CEMIP2: variants seen among roughly 807,000 people sequenced by gnomAD.
CEMIP2 encodes the protein cell migration inducing hyaluronidase 2.
In CEMIP2, 79 loss-of-function variants were observed where a neutral mutation model predicts 146.9. That is an observed-to-expected ratio of 0.54 (90% confidence interval 0.45 to 0.65). CEMIP2 has a LOEUF of 0.65. Among genes scored for constraint, CEMIP2 ranks in the 30% least tolerant of loss-of-function variants. The pLI, the probability that CEMIP2 is intolerant of heterozygous loss-of-function variation, is 0.00. For missense variants in CEMIP2, 1,596 were observed against 1,696.2 expected, an observed-to-expected ratio of 0.94 and a Z score of 1.04; for synonymous variants, 601 against 606.3, an observed-to-expected ratio of 0.99 and a Z score of 0.13.
intron 1 of CEMIP2, among the ~76,000 whole-genome samples, chr9:71,756,337 A>G (rs947688986): frequency 1.3e-4 from 20 of 150,642 alleles, no homozygotes; most frequent in Middle Eastern, 3.4e-3. Context: ...GTGTGTGTGT[A>G]TATATATATG....
At chr9:71,700,374 A>G (rs1225858604) in intron 19 of CEMIP2, among the ~76,000 whole-genome samples, 2 of 152,204 alleles carry the variant, frequency 1.3e-5, no homozygotes, top group Non-Finnish European at 2.9e-5. Flanking sequence ...GTAATTTCCA[A>G]CTGGGCCTAC....
chr9:71,711,084 T>C (rs139825360), intron 16 of CEMIP2, among the ~76,000 whole-genome samples: 1 of 152,312 alleles, frequency 6.6e-6, no homozygotes, highest in African/African-American at 2.4e-5. Context: ...ATTGCCACCA[T>C]GGAACTGGCA....
chr9:71,762,855 T>A (rs975239330), intron 1 of CEMIP2, among the ~76,000 whole-genome samples: 1 of 151,692 alleles, frequency 6.6e-6, no homozygotes, highest in Non-Finnish European at 1.5e-5. Flanking sequence ...TACAAAAAAA[T>A]ATAAAGATTA....
At chr9:71,702,360 G>T (rs913907837) in intron 18 of CEMIP2, among the ~76,000 whole-genome samples, 4 of 148,836 alleles carry the variant, frequency 2.7e-5, no homozygotes, top group Admixed American at 6.7e-5. Context: ...AGATAGAAAA[G>T]ATGTTCTATG....
intron 1 of CEMIP2, among the ~76,000 whole-genome samples, chr9:71,763,060 TAAAAAA>T (rs771563548): frequency 7.3e-6 from 1 of 137,548 alleles, no homozygotes; most frequent in Non-Finnish European, 1.6e-5. Flanking sequence ...AACCACAACT[TAAAAAA>T]AAAAAAAAGA....
chr9:71,694,661 G>T lies in CEMIP2; in HGVS notation c.3598-54C>A. The T allele has an allele frequency of 3.4e-6, 4 of 1,193,250 alleles. No homozygotes were observed. In the South Asian group the frequency reaches 4.9e-5, roughly 15 times the overall value. 73.9% of individuals were successfully genotyped at this position (1,193,250 alleles called of 1,614,324 possible). A position where few individuals can be genotyped will look rare whatever the true frequency, so the allele number is the denominator to read the frequency against. On this transcript the variant is annotated intron_variant, in intron 20 of 23. Transcript: ENST00000377044. ...GGCAACTCTTACCTTCCTCCAAAAG[G>T]TTCCCTCAATATAAAGTTAATTATA...
In CEMIP2 at chr9:71,732,490, A is replaced by C. The variant is rs1440568774; in HGVS notation, c.1424T>G (p.Ile475Ser). Residue 475 changes from isoleucine (I) to serine (S), a missense_variant, in exon 7 of 24, where the codon ATC becomes AGC. Transcript: ENST00000377044. The part of the protein sequence containing the change: ...ETPQFLHMGE[I>S]IDGVDMRAEV... Reference sequence around the variant, plus strand: ...AGCTCTCATGTCTACACCGTCTATGATCTCACCCATGTGCAGGAACTGAGG... The same window carrying C: ...AGCTCTCATGTCTACACCGTCTATGCTCTCACCCATGTGCAGGAACTGAGG... The C allele has an allele frequency of 6.2e-7, 1 of 1,611,738 alleles. No individual in the cohort carries two copies. The highest frequency in any genetic ancestry group is 8.5e-7 in the Non-Finnish European group (1 of 1,179,536).
At chr9:71,724,989 T>C (rs961458761) in intron 11 of CEMIP2, among the ~76,000 whole-genome samples, 5 of 152,146 alleles carry the variant, frequency 3.3e-5, no homozygotes, top group African/African-American at 1.2e-4. Context: ...ATCCATTATG[T>C]AATTATTCAG....
At chr9:71,699,451 T>TAA in intron 19 of CEMIP2, 1 of 310,052 alleles carries the variant, frequency 3.2e-6, no homozygotes, top group Non-Finnish European at 6.0e-6. Context: ...ACACCGTCTC[T>TAA]TAAAAAAAAA....
In CEMIP2 at chr9:71,718,014, A is replaced by T. The variant is rs557671507; in HGVS notation, c.2333T>A (p.Ile778Asn). Residue 778 changes from isoleucine (I) to asparagine (N), a missense_variant, in exon 13 of 24, where the codon ATT (isoleucine) becomes AAT (asparagine). Transcript: ENST00000377044. ...PRVAALIDRL[I>N]AFKNNDNGAW... ...TCCATTATCATTATTTTTAAAAGCA[A>T]TGAGCCTGTCAATTAGAGCAGCAAC... 6.2e-7 allele frequency: 1 copy of T among 1,613,304 alleles called. No individual in the cohort carries two copies. Among genetic ancestry groups the T allele is most frequent in the African/African-American group, 1.3e-5 (1 of 74,892 alleles).
At chr9:71,694,633 T>C (rs762193619) in intron 20 of CEMIP2, 26 bp from the exon 21 acceptor site, 2 of 1,485,560 alleles carry the variant, frequency 1.3e-6, no homozygotes, top group East Asian at 4.5e-5. Flanking sequence ...GTTCCATATT[T>C]ATGGCAACTC....
intron 5 of CEMIP2, among the ~76,000 whole-genome samples, chr9:71,736,469 T>C (rs117509064): frequency 6.6e-6 from 1 of 152,334 alleles, no homozygotes; most frequent in East Asian, 1.9e-4. Flanking sequence ...TGATCTGCAA[T>C]GTAACCTGAG....
At chr9:71,729,351 G>C (rs953892884) in intron 10 of CEMIP2, among the ~76,000 whole-genome samples, 10 of 151,900 alleles carry the variant, frequency 6.6e-5, no homozygotes, top group African/African-American at 1.9e-4. Flanking sequence ...CGGGCGTGGT[G>C]GCTCACGCCT....
chr9:71,768,244 G>T (rs1377158715), intron 1 of CEMIP2, 113 bp downstream of exon 1: 4 of 151,218 alleles, frequency 2.6e-5, no homozygotes, highest in African/African-American at 9.7e-5. Flanking sequence ...CGGCCAGGCC[G>T]CCGGGAGCAG....
chr9:71,762,497 C>T (rs1190615801), intron 1 of CEMIP2, among the ~76,000 whole-genome samples: 1 of 92,486 alleles, frequency 1.1e-5, no homozygotes, highest in African/African-American at 4.6e-5. Flanking sequence ...ATGCCAGCCC[C>T]GTCACCAAAA....
chr9:71,766,007 A>G (rs1022273474), intron 1 of CEMIP2, among the ~76,000 whole-genome samples: 21 of 152,116 alleles, frequency 1.4e-4, no homozygotes, highest in African/African-American at 5.1e-4. Flanking sequence ...ACACATTTAC[A>G]TACAGCACTC....
intron 5 of CEMIP2, among the ~76,000 whole-genome samples, chr9:71,735,858 C>T (rs924827616): frequency 2.0e-5 from 3 of 152,118 alleles, no homozygotes; most frequent in African/African-American, 4.8e-5. Context: ...TTTGGGAGGC[C>T]GATGCCAGAG....
chr9:71,689,822 A>G (rs556863378), intron 22 of CEMIP2, among the ~76,000 whole-genome samples: 11 of 152,354 alleles, frequency 7.2e-5, no homozygotes, highest in African/African-American at 2.6e-4. Flanking sequence ...TAATGTTCCA[A>G]ATAATGAGCT....
chr9:71,741,708 G>A (rs1164637538), intron 4 of CEMIP2, among the ~76,000 whole-genome samples: 6 of 129,860 alleles, frequency 4.6e-5, no homozygotes, highest in East Asian at 2.4e-4. Flanking sequence ...GCGTGATCTC[G>A]GCTCACCACA....
Sources: allele counts gnomAD v4.1 joint callset (sites outside exome capture counted in the v4.1 genomes callset), GRCh38; gene constraint gnomAD v4.1.1; transcripts MANE v1.5; gene names NCBI Gene and HGNC (gene_info 2026-07-23, HGNC 2026-07-21).